The following RNF17 variants were observed in gnomAD, a reference collection of about 807,000 sequenced individuals.
RNF17 encodes ring finger protein 17.
RNF17 carries 31 observed loss-of-function variants against 200.5 expected under a neutral mutation model. That is an observed-to-expected ratio of 0.15 (90% CI 0.12 to 0.21). RNF17 has a LOEUF of 0.21. Among genes scored for constraint, RNF17 ranks in the 10% least tolerant of loss-of-function variants. The probability of loss-of-function intolerance (pLI) is 1.00; values close to 1 mark genes in which losing one functional copy is unlikely to be tolerated. For missense variants in RNF17, 1,628 were observed against 1,905.1 expected, an observed-to-expected ratio of 0.85 and a Z score of 2.71; for synonymous variants, 606 against 637.8, an observed-to-expected ratio of 0.95 and a Z score of 0.75.
chr13:24,781,713 ATAT>A (rs1480255334), intron 5 of RNF17, 128 bp from the exon 6 acceptor site: 8 of 611,060 alleles, frequency 1.3e-5, no homozygotes, highest in African/African-American at 1.3e-4. Context: ...TATTCTATTT[ATAT>A]TATTATCTCT....
chr13:24,807,663 G>A (rs1300830762), intron 15 of RNF17, among the ~76,000 whole-genome samples: 1 of 151,932 alleles, frequency 6.6e-6, no homozygotes, highest in Admixed American at 6.6e-5. Flanking sequence ...GATCCCATTT[G>A]TCAATTTTGT....
rs1207246931 is a variant in RNF17, at chr13:24,827,707, AAAAAAAAAAAC to A, written c.2245+1946_2245+1956del. On this transcript the variant is annotated intron_variant, in intron 16 of 35. Coordinates refer to ENST00000255324, the MANE Select transcript of RNF17 (RefSeq NM_031277.3). ...ACAGAGCGAGACTCCGTCTCAAAAAAAAAAAAAAAACAAAAAAAAAAAAACAATAGAAATTT... is the reference window on the plus strand; with the variant it reads ...ACAGAGCGAGACTCCGTCTCAAAAAAAAAAAAAAAAAAACAATAGAAATTT... Among the ~76,000 whole-genome samples, 89 of 123,184 alleles carry A rather than the reference AAAAAAAAAAAC, an allele frequency of 7.2e-4. 3 individuals carry two copies. The highest frequency in any genetic ancestry group is 3.0e-3 in the African/African-American group (85 of 28,192). 80.8% of individuals were successfully genotyped at this position (123,184 alleles called of 152,430 possible).
intron 18 of RNF17, among the ~76,000 whole-genome samples, chr13:24,835,225 G>A (rs948168628): frequency 1.3e-5 from 2 of 151,734 alleles, no homozygotes; most frequent in Admixed American, 1.3e-4. Context: ...CCACCTGATG[G>A]TCCTTCCCTA....
chr13:24,802,405 A>G lies in RNF17; in HGVS notation c.1783A>G (p.Lys595Glu), dbSNP rs1593288771. 1.2e-6 allele frequency: 2 copies of G among 1,612,930 alleles called. No homozygotes were observed. Among genetic ancestry groups the G allele is most frequent in the Non-Finnish European group, 1.7e-6 (2 of 1,179,524 alleles). Residue 595 changes from lysine (K) to glutamate (E), a missense_variant, in exon 14 of 36, where the codon AAA becomes GAA. Transcript: ENST00000255324. Reference sequence around the variant, plus strand: ...GAATGAAGGCTGGGAAGAGGAAGCTAAAGTGGAATTTTTGAAAATGGTAAA... The same window carrying G: ...GAATGAAGGCTGGGAAGAGGAAGCTGAAGTGGAATTTTTGAAAATGGTAAA... ...NSNEGWEEEAKVEFLKMVNNK... is the reference protein window; with the variant it reads ...NSNEGWEEEAEVEFLKMVNNK...
chr13:24,883,040 G>C (rs1171989046), downstream of RNF17: 3 of 740,396 alleles, frequency 4.1e-6, no homozygotes, highest in East Asian at 7.7e-5. Context: ...AAATGAAGAT[G>C]CCACAGGGTA....
downstream of RNF17, among the ~76,000 whole-genome samples, chr13:24,883,738 A>G (rs1437348372): frequency 6.6e-6 from 1 of 152,214 alleles, no homozygotes; most frequent in African/African-American, 2.4e-5. Context: ...GGGAAGGGGC[A>G]TGATCAGACT....
At chr13:24,880,261 C>T (rs1024477244), downstream of RNF17, among the ~76,000 whole-genome samples, 2 of 152,142 alleles carry the variant, frequency 1.3e-5, no homozygotes, top group Non-Finnish European at 2.9e-5. Context: ...AGGGGGGAAA[C>T]GCCCCTTATA....
chr13:24,756,699 C>T, the RNF17 span, among the ~76,000 whole-genome samples: 3 of 152,052 alleles, frequency 2.0e-5, no homozygotes, highest in Non-Finnish European at 4.4e-5. Flanking sequence ...CAGAGCTTAC[C>T]TTTTATCAAC....
chr13:24,758,303 A>G, the RNF17 span, among the ~76,000 whole-genome samples: 1 of 152,020 alleles, frequency 6.6e-6, no homozygotes, highest in African/African-American at 2.4e-5. Flanking sequence ...CCCACCTCAA[A>G]TTTTTACCTT....
chr13:24,867,908 T>TA (rs1893804741), intron 30 of RNF17, among the ~76,000 whole-genome samples: 1 of 152,102 alleles, frequency 6.6e-6, no homozygotes, highest in Non-Finnish European at 1.5e-5. Flanking sequence ...TATTCTTAAA[T>TA]ACAGCAAAAA....
rs1377002319 is a variant in RNF17, at chr13:24,793,061, G to A, written c.955G>A (p.Glu319Lys). 2 of 1,578,378 alleles carry A rather than the reference G, an allele frequency of 1.3e-6. No homozygotes were observed. The highest frequency in any genetic ancestry group is 1.8e-5 in the Admixed American group (1 of 54,132). Residue 319 changes from glutamate (E) to lysine (K), a missense_variant, in exon 10 of 36, where the codon GAA (glutamate) becomes AAA (lysine). Physicochemically the swap from Glu to Lys is moderately conservative, Grantham distance 56. This residue lies in a region of RNF17 where 502 missense variants were observed against 501.7 expected (regional missense o/e 1.00). Transcript: ENST00000255324. ...AAACAGATGTTATCCCCAAGAAAAT[G>A]AAATTAGACAGAATGTTCAAAAGAA... ...DSTKCYPQEN[E>K]IRQNVQKKYN...
At chr13:24,814,922 C>T (rs1887198170) in intron 15 of RNF17, among the ~76,000 whole-genome samples, 1 of 152,174 alleles carries the variant, frequency 6.6e-6, no homozygotes, top group African/African-American at 2.4e-5. Context: ...TTATCATTTG[C>T]TAATGTATTG....
At chr13:24,767,491 T>C (rs1879878627) in intron 2 of RNF17, 125 bp downstream of exon 2, 5 of 623,830 alleles carry the variant, frequency 8.0e-6, no homozygotes, top group Non-Finnish European at 1.4e-5. Context: ...GGCTGACGCC[T>C]GTAATCCCAG....
intron 29 of RNF17, among the ~76,000 whole-genome samples, chr13:24,865,745 T>C (rs1479282878): frequency 2.0e-5 from 3 of 152,152 alleles, no homozygotes; most frequent in Non-Finnish European, 2.9e-5. Flanking sequence ...ACTGCCAGCT[T>C]TTTCTTTAAA....
intron 29 of RNF17, among the ~76,000 whole-genome samples, chr13:24,865,549 G>T (rs1313868510): frequency 1.3e-5 from 2 of 152,102 alleles, no homozygotes; most frequent in African/African-American, 2.4e-5. Flanking sequence ...TTTTATAGGA[G>T]TAGATTATGC....
At chr13:24,784,782 C>G (rs1334296714) in intron 6 of RNF17, among the ~76,000 whole-genome samples, 1 of 152,124 alleles carries the variant, frequency 6.6e-6, no homozygotes, top group Non-Finnish European at 1.5e-5. Context: ...CCTCGGCTCA[C>G]CAGAACCTCT....
chr13:24,791,013 G>A (rs1883776703), intron 9 of RNF17, among the ~76,000 whole-genome samples: 1 of 152,154 alleles, frequency 6.6e-6, no homozygotes, highest in South Asian at 2.1e-4. Context: ...TGCTATATTA[G>A]ACAATGTGGC....
At chr13:24,846,918 A>G (rs1891314809) in intron 22 of RNF17, among the ~76,000 whole-genome samples, 1 of 152,202 alleles carries the variant, frequency 6.6e-6, no homozygotes, top group South Asian at 2.1e-4. Flanking sequence ...GGCTTTTCAG[A>G]CATGGATTAT....
At chr13:24,824,130 C>A in intron 15 of RNF17, 1 of 701,538 alleles carries the variant, frequency 1.4e-6, no homozygotes, top group South Asian at 1.6e-5. Context: ...ACTTTCCTAC[C>A]ATTTAGAAAA....
Sources: allele counts gnomAD v4.1 joint callset (sites outside exome capture counted in the v4.1 genomes callset), GRCh38; gene constraint gnomAD v4.1.1; regional missense constraint gnomAD v4.1.1; transcripts MANE v1.5; gene names NCBI Gene and HGNC (gene_info 2026-07-23, HGNC 2026-07-21).